CTNNA3: variants seen among roughly 807,000 people sequenced by gnomAD.
CTNNA3 encodes the protein catenin alpha 3.
In CTNNA3, 76 loss-of-function variants were observed where a neutral mutation model predicts 95.7. That is an observed-to-expected ratio of 0.79 (90% CI 0.66 to 0.96). The LOEUF (loss-of-function observed/expected upper bound fraction) is 0.96, where lower values mean the gene tolerates loss of function less well. CTNNA3 is among the 40% of genes least tolerant of loss of function. The pLI is 0.00. For synonymous variants in CTNNA3, 431 were observed against 374.4 expected (o/e 1.15, Z -1.74); for missense variants, 1,191 against 1,089.8 (o/e 1.09, Z -1.31).
intron 13 of CTNNA3, among the ~76,000 whole-genome samples, chr10:66,113,210 A>G (rs2082185167): frequency 6.6e-6 from 1 of 151,884 alleles, no homozygotes; most frequent in African/African-American, 2.4e-5. Context: ...TTTCATGTCC[A>G]TGATGATTAG....
chr10:67,720,129 C>CTTTTTTTTGT (rs1841170917), intron 1 of CTNNA3, among the ~76,000 whole-genome samples: 1 of 6,614 alleles, frequency 1.5e-4, no homozygotes, highest in African/African-American at 6.7e-4. Context: ...GCAACCCCTG[C>CTTTTTTTTGT]TTTTTTTTTT....
At chr10:66,263,853 CT>C (rs1347301415) in intron 13 of CTNNA3, among the ~76,000 whole-genome samples, 1 of 151,872 alleles carries the variant, frequency 6.6e-6, no homozygotes, top group Admixed American at 6.6e-5. Flanking sequence ...AACATATTTT[CT>C]TGTTATCTTT....
intron 3 of CTNNA3, among the ~76,000 whole-genome samples, chr10:67,593,024 A>T (rs1842833105): frequency 6.6e-6 from 1 of 151,998 alleles, no homozygotes; most frequent in African/African-American, 2.4e-5. Context: ...TTGTGTCCAT[A>T]TGTACCCAAT....
intron 11 of CTNNA3, among the ~76,000 whole-genome samples, chr10:66,449,428 G>T (rs568081990): frequency 6.6e-6 from 1 of 152,244 alleles, no homozygotes; most frequent in Admixed American, 6.5e-5. Flanking sequence ...ACATTATAAT[G>T]TGGTCAAAAT....
At chr10:67,254,324 G>A (rs1196200534) in intron 5 of CTNNA3, among the ~76,000 whole-genome samples, 1 of 152,224 alleles carries the variant, frequency 6.6e-6, no homozygotes, top group African/African-American at 2.4e-5. Context: ...AAGTAAGAGA[G>A]AGGGATAAAT....
intron 8 of CTNNA3, among the ~76,000 whole-genome samples, chr10:66,767,222 C>T (rs755779503): frequency 1.1e-4 from 16 of 151,712 alleles, no homozygotes; most frequent in South Asian, 2.1e-4. Flanking sequence ...CCAAGGCAGG[C>T]GAATCACGAG....
chr10:66,238,709 A>C (rs10762035), intron 13 of CTNNA3, among the ~76,000 whole-genome samples: 23 of 151,474 alleles, frequency 1.5e-4, no homozygotes, highest in Non-Finnish European at 3.1e-4. Context: ...ATTTTTTTCA[A>C]ATATCTTCAC....
intron 3 of CTNNA3, among the ~76,000 whole-genome samples, chr10:67,561,158 T>C (rs1841495644): frequency 6.9e-6 from 1 of 145,186 alleles, no homozygotes; most frequent in African/African-American, 2.8e-5. Flanking sequence ...TCTACAGAGC[T>C]CTCCACCCCA....
intron 10 of CTNNA3, among the ~76,000 whole-genome samples, chr10:66,620,829 GC>G (rs1203397988): frequency 2.0e-5 from 3 of 152,140 alleles, no homozygotes; most frequent in African/African-American, 7.2e-5. Flanking sequence ...TTTAACACAT[GC>G]CCTACTTTTT....
chr10:65,946,024 A>C (rs2077511372), intron 17 of CTNNA3, among the ~76,000 whole-genome samples: 1 of 152,148 alleles, frequency 6.6e-6, no homozygotes, highest in Admixed American at 6.5e-5. Flanking sequence ...CTTAACATTA[A>C]ATGTACATAC....
intron 7 of CTNNA3, among the ~76,000 whole-genome samples, chr10:67,017,449 T>G (rs1163990223): frequency 6.6e-6 from 1 of 152,192 alleles, no homozygotes; most frequent in Non-Finnish European, 1.5e-5. Flanking sequence ...ATCTACTCTG[T>G]GAGCCACGAT....
chr10:66,358,073 T>A (rs1484453610), intron 12 of CTNNA3, among the ~76,000 whole-genome samples: 1 of 152,164 alleles, frequency 6.6e-6, no homozygotes, highest in Non-Finnish European at 1.5e-5. Flanking sequence ...CCTTTTAGTG[T>A]CCATGGTTCT....
At chr10:67,741,445 C>G (rs952912990) in intron 1 of CTNNA3, among the ~76,000 whole-genome samples, 28 of 150,166 alleles carry the variant, frequency 1.9e-4, no homozygotes, top group African/African-American at 6.8e-4. Flanking sequence ...ACTTTACAGA[C>G]AAGCAAATGC....
chr10:66,029,236 A>T (rs1343146582), intron 15 of CTNNA3, among the ~76,000 whole-genome samples: 1 of 152,106 alleles, frequency 6.6e-6, no homozygotes, highest in Non-Finnish European at 1.5e-5. Context: ...GTAACCCTTT[A>T]AAAAATGTAA....
chr10:67,672,098 C>G (rs1034030881), intron 1 of CTNNA3, among the ~76,000 whole-genome samples: 1 of 152,222 alleles, frequency 6.6e-6, no homozygotes, highest in Non-Finnish European at 1.5e-5. Flanking sequence ...ATTTGCATTT[C>G]TCTGATGGCC....
At chr10:66,375,681 A>G (rs1173111596) in intron 12 of CTNNA3, among the ~76,000 whole-genome samples, 1 of 152,184 alleles carries the variant, frequency 6.6e-6, no homozygotes, top group Non-Finnish European at 1.5e-5. Flanking sequence ...AGGGGTTACC[A>G]ACTGCTATTA....
At chr10:66,426,618 T>C (rs1053442195) in intron 11 of CTNNA3, among the ~76,000 whole-genome samples, 1 of 152,034 alleles carries the variant, frequency 6.6e-6, no homozygotes, top group South Asian at 2.1e-4. Flanking sequence ...CTTTTTTTTT[T>C]CCTATGCAAG....
At chr10:66,380,391 C>G (rs901149470) in intron 11 of CTNNA3, among the ~76,000 whole-genome samples, 1 of 152,002 alleles carries the variant, frequency 6.6e-6, no homozygotes, top group Non-Finnish European at 1.5e-5. Flanking sequence ...AGGAGGATGA[C>G]TTGGGGCCAG....
At chr10:67,466,907 A>C (rs1457950615) in intron 5 of CTNNA3, among the ~76,000 whole-genome samples, 1 of 152,196 alleles carries the variant, frequency 6.6e-6, no homozygotes, top group African/African-American at 2.4e-5. Context: ...GGTAGCAATC[A>C]ATAGATGCTC....
Sources: gnomAD v4.1 joint callset for allele counts (sites outside exome capture counted in the v4.1 genomes callset) on GRCh38, gnomAD v4.1.1 for gene constraint, MANE v1.5 for transcripts, NCBI Gene and HGNC (gene_info 2026-07-23, HGNC 2026-07-21) for gene names.